The following PIAS1 variants were observed in gnomAD, a reference collection of about 807,000 sequenced individuals.
PIAS1 encodes the protein E3 SUMO-protein ligase PIAS1.
Under a neutral mutation model 71.3 loss-of-function variants are expected in PIAS1, and 6 were observed. The ratio of observed to expected loss-of-function variants is 0.08; its 90% CI spans 0.05 to 0.17. The LOEUF is 0.17. Among genes scored for constraint, PIAS1 ranks in the 10% least tolerant of loss-of-function variants. The probability of loss-of-function intolerance (pLI) is 1.00; values close to 1 mark genes in which losing one functional copy is unlikely to be tolerated. For synonymous variants in PIAS1, 303 were observed against 292.9 expected, an observed-to-expected ratio of 1.03 and a Z score of -0.35; for missense variants, 555 against 793.6, an observed-to-expected ratio of 0.70 and a Z score of 3.61.
intron 2 of PIAS1, among the ~76,000 whole-genome samples, chr15:68,089,693 C>CT (rs941088091): frequency 6.6e-6 from 1 of 151,496 alleles, no homozygotes; most frequent in Non-Finnish European, 1.5e-5. Flanking sequence ...GTGGCTGAGA[C>CT]TTACAGGCAC....
At chr15:68,148,454 A>G (rs901047444) in intron 6 of PIAS1, among the ~76,000 whole-genome samples, 27 of 152,230 alleles carry the variant, frequency 1.8e-4, no homozygotes, top group African/African-American at 6.5e-4. Flanking sequence ...TTTTTGAGAC[A>G]GAGTCTCACT....
At chr15:68,059,513 C>G (rs2091934127) in intron 1 of PIAS1, among the ~76,000 whole-genome samples, 1 of 151,416 alleles carries the variant, frequency 6.6e-6, no homozygotes, top group Non-Finnish European at 1.5e-5. Flanking sequence ...AGTTGAAGAC[C>G]AGCCTGACCA....
chr15:68,175,640 G>A lies in PIAS1; in HGVS notation c.1173G>A (p.Leu391=). 6.7e-7 allele frequency: 1 copy of A among 1,483,726 alleles called. No homozygotes were observed. 91.9% of individuals were successfully genotyped at this position (1,483,726 alleles called of 1,614,324 possible). ...APYEHLIIDG[L]FMEILKYCTD... ...AGGATGAATTGTTTTCTTATAGCTT[G>A]TTTATGGAAATCCTAAAGTACTGTA... is the stretch of plus-strand genomic sequence containing the variant. The change falls in exon 10 of 14, where the codon TTG becomes TTA. Residue 391 remains leucine, a synonymous_variant. Coordinates refer to ENST00000249636, the MANE Select transcript of PIAS1 (RefSeq NM_016166.3).
In PIAS1 at chr15:68,190,604, G is replaced by A. The variant is rs1295762839; in HGVS notation, c.*2769G>A. 6.6e-6 allele frequency: 1 copy of A among 151,392 alleles called. No homozygotes were observed. The highest frequency in any genetic ancestry group is 2.4e-5 in the African/African-American group (1 of 41,114). The allele number at this position is 151,392 out of a possible 1,614,324, so 9.4% of individuals were successfully genotyped here. A position where few individuals can be genotyped will look rare whatever the true frequency, so the allele number is the denominator to read the frequency against. ...ATCCCCCTTGCCTTGGCCGTTCATA[G>A]TAGGTATGCATATGTTTGTTTCTGT... is the stretch of plus-strand genomic sequence containing the variant. On this transcript the variant is annotated 3_prime_UTR_variant, in exon 14 of 14. Coordinates refer to ENST00000249636, the MANE Select transcript of PIAS1 (RefSeq NM_016166.3). The surrounding 1 kb of genome is among the most constrained non-coding windows in gnomAD (Gnocchi z 4.7).
chr15:68,117,962 T>C (rs2092579456), intron 2 of PIAS1, among the ~76,000 whole-genome samples: 1 of 152,218 alleles, frequency 6.6e-6, no homozygotes, highest in Non-Finnish European at 1.5e-5. Flanking sequence ...TAATTAACAT[T>C]CCCACCATCA....
At chr15:68,082,198 G>T (rs2092235565) in intron 1 of PIAS1, among the ~76,000 whole-genome samples, 1 of 152,082 alleles carries the variant, frequency 6.6e-6, no homozygotes. Context: ...TACCTCACAT[G>T]CCCCCTTTCT....
intron 2 of PIAS1, among the ~76,000 whole-genome samples, chr15:68,111,915 T>TA (rs1398352309): frequency 1.3e-5 from 2 of 152,192 alleles, no homozygotes; most frequent in Admixed American, 6.5e-5. Flanking sequence ...AGTATTACCC[T>TA]AGTCCATACA....
intron 2 of PIAS1, among the ~76,000 whole-genome samples, chr15:68,140,491 A>G (rs1361283372): frequency 1.4e-4 from 21 of 152,160 alleles, no homozygotes; most frequent in Admixed American, 1.4e-3. Context: ...GATGTTTCAC[A>G]ATTAAGACAA....
rs560681431 is a variant in PIAS1, at chr15:68,065,653, GTTAT to G, written c.24+11307_24+11310del. On this transcript the variant is annotated intron_variant, in intron 1 of 13. Coordinates refer to ENST00000249636, the MANE Select transcript of PIAS1 (RefSeq NM_016166.3). ...CTTACAAGGCAGTTTGCTAAGCAGA[GTTAT>G]TTAATTAAATCCTGCATCTCTGTAA... Among the ~76,000 whole-genome samples the G allele has an allele frequency of 1.7e-3, 257 of 150,424 alleles. 1 individual carries two copies. Among genetic ancestry groups the G allele is most frequent in the Non-Finnish European group, 3.0e-3 (203 of 67,694 alleles).
intron 6 of PIAS1, among the ~76,000 whole-genome samples, chr15:68,153,135 TA>T (rs548418492): frequency 6.6e-6 from 1 of 151,784 alleles, no homozygotes; most frequent in Non-Finnish European, 1.5e-5. Context: ...ATTTGTCATT[TA>T]AAAAAAATAG....
intron 2 of PIAS1, among the ~76,000 whole-genome samples, chr15:68,100,333 T>G (rs547736314): frequency 6.6e-6 from 1 of 152,280 alleles, no homozygotes; most frequent in Non-Finnish European, 1.5e-5. Context: ...TGCAGATTTA[T>G]CACATGTAAC....
intron 11 of PIAS1, among the ~76,000 whole-genome samples, chr15:68,180,225 A>G (rs2093045549): frequency 6.6e-6 from 1 of 151,948 alleles, no homozygotes; most frequent in Non-Finnish European, 1.5e-5. Flanking sequence ...CTATCTCCCA[A>G]GTAGCTGGGA....
rs117997088 is a variant in PIAS1 at position 68,159,809 on chromosome 15, G to A, written c.935-4922G>A. 8.6e-3 allele frequency among the ~76,000 whole-genome samples: 1,304 copies of A among 152,138 alleles called. 17 individuals carry two copies. The highest frequency in any genetic ancestry group is 0.017 in the South Asian group (83 of 4,816). ...TTTTGCATATGGATACCTCAGTTTTGTAGACATATGTTTTCATTTCTCTTG... is the reference window on the plus strand; with the variant it reads ...TTTTGCATATGGATACCTCAGTTTTATAGACATATGTTTTCATTTCTCTTG... On this transcript the variant is annotated intron_variant, in intron 7 of 13. Coordinates refer to ENST00000249636, the MANE Select transcript of PIAS1 (RefSeq NM_016166.3).
At chr15:68,134,632 C>T (rs1276783918) in intron 2 of PIAS1, among the ~76,000 whole-genome samples, 2 of 37,294 alleles carry the variant, frequency 5.4e-5, no homozygotes, top group African/African-American at 1.1e-4. Context: ...ACCCCCCCCA[C>T]CTCCCTCCCG....
intron 1 of PIAS1, among the ~76,000 whole-genome samples, chr15:68,063,540 G>A (rs1475671563): frequency 6.6e-6 from 1 of 151,582 alleles, no homozygotes; most frequent in African/African-American, 2.4e-5. Flanking sequence ...TATATTTTTG[G>A]GTATCTGCTG....
chr15:68,147,218 A>G (rs191671574), intron 6 of PIAS1, among the ~76,000 whole-genome samples: 1 of 152,224 alleles, frequency 6.6e-6, no homozygotes, highest in Non-Finnish European at 1.5e-5. Context: ...GGTGTTGTAC[A>G]AATTTATTCT....
At chr15:68,065,579 C>T (rs2092009042) in intron 1 of PIAS1, among the ~76,000 whole-genome samples, 1 of 141,342 alleles carries the variant, frequency 7.1e-6, no homozygotes, top group Admixed American at 7.3e-5. Flanking sequence ...GAGTGAGACC[C>T]TGTCTCGAGA....
chr15:68,157,013 G>C (rs1408231332), intron 7 of PIAS1, among the ~76,000 whole-genome samples: 1 of 152,214 alleles, frequency 6.6e-6, no homozygotes, highest in Admixed American at 6.5e-5. Context: ...GAAGTTGACA[G>C]TTTTGAGAAG....
In PIAS1 at chr15:68,188,076, GGAAA is replaced by G. The variant is rs754658780; in HGVS notation, c.*246_*249del. The G allele has an allele frequency of 3.2e-4, 91 of 286,550 alleles. No individual in the cohort carries two copies. The highest frequency in any genetic ancestry group is 5.1e-4 in the Non-Finnish European group (80 of 155,910). The allele number at this position is 286,550 out of a possible 1,614,324, so 17.8% of individuals were successfully genotyped here. A position where few individuals can be genotyped will look rare whatever the true frequency, so the allele number is the denominator to read the frequency against. ...TAAAACACTTGTTTAAAAAAAAAAA[GGAAA>G]GAAAAGAAAAAAGAAAAACAAGCAC... On this transcript the variant is annotated 3_prime_UTR_variant, in exon 14 of 14. Transcript: ENST00000249636.
Sources: allele counts gnomAD v4.1 joint callset (sites outside exome capture counted in the v4.1 genomes callset), GRCh38; gene constraint gnomAD v4.1.1; non-coding constraint Gnocchi (gnomAD v3.1); transcripts MANE v1.5; gene names NCBI Gene and HGNC (gene_info 2026-07-23, HGNC 2026-07-21).